PCDHA4: variants seen among roughly 807,000 people sequenced by gnomAD.
The protein encoded by PCDHA4 is protocadherin alpha 4.
Under a neutral mutation model 61.4 loss-of-function variants are expected in PCDHA4, and 49 were observed. That is an observed-to-expected ratio of 0.80 (90% confidence interval 0.63 to 1.01). The LOEUF is 1.01. Among genes scored for constraint, PCDHA4 ranks in the 50% least tolerant of loss-of-function variants. PCDHA4 has a pLI of 0.00. For synonymous variants in PCDHA4, 590 were observed against 550.3 expected (o/e 1.07, Z -1.01); for missense variants, 1,254 against 1,235.8 (o/e 1.01, Z -0.22).
At chr5:140,906,926 T>C (rs1217312413) in intron 1 of PCDHA4, among the ~76,000 whole-genome samples, 1 of 152,194 alleles carries the variant, frequency 6.6e-6, no homozygotes, top group Non-Finnish European at 1.5e-5. Flanking sequence ...CCAAAAAGTG[T>C]CCCGGTGTCA....
Position 140,828,616 on chromosome 5 carries a change from C to A in PCDHA4, c.2385+19044C>A, listed in dbSNP as rs2150157391. 16 of 1,614,024 alleles carry A rather than the reference C, an allele frequency of 9.9e-6. No homozygotes were observed. The African/African-American group carries it at 1.3e-4, about 13-fold the overall frequency. ...TCTTAACCTATAAACTCAGTTCTAG[C>A]GAATACTTCGGGCTAGATGTGAAAA... is the stretch of plus-strand genomic sequence containing the variant. On this transcript the variant is annotated intron_variant, in intron 1 of 3. Transcript: ENST00000530339.
At chr5:140,976,691 C>G (rs1219355793) in intron 1 of PCDHA4, among the ~76,000 whole-genome samples, 1 of 152,126 alleles carries the variant, frequency 6.6e-6, no homozygotes. Context: ...AATTTAAGTA[C>G]AATAATGTTG....
At chr5:140,968,317 A>T (rs144335538) in intron 1 of PCDHA4, 17,308 of 1,614,002 alleles carry the variant, frequency 0.011, 130 homozygotes, top group Non-Finnish European at 0.013. Flanking sequence ...AAGGGCTGCC[A>T]GTCACCTCCT....
At chr5:140,842,748 C>A in intron 1 of PCDHA4, 1 of 1,595,020 alleles carries the variant, frequency 6.3e-7, no homozygotes, top group Non-Finnish European at 8.6e-7. Flanking sequence ...CACATCTTCA[C>A]GGTGTCTGCG....
chr5:140,868,979 C>T, intron 1 of PCDHA4: 6 of 1,485,290 alleles, frequency 4.0e-6, no homozygotes, highest in Non-Finnish European at 5.4e-6. Flanking sequence ...TCCATCATAC[C>T]GGATGCCACC....
At chr5:140,871,103 C>A (rs202137231) in intron 1 of PCDHA4, 29 of 1,613,172 alleles carry the variant, frequency 1.8e-5, no homozygotes, top group South Asian at 1.2e-4. Context: ...GTGCTGGTGT[C>A]GTTGGTGGAG....
At chr5:140,966,764 G>T in intron 1 of PCDHA4, 1 of 1,475,264 alleles carries the variant, frequency 6.8e-7, no homozygotes, top group Non-Finnish European at 9.0e-7. Context: ...GCGGCCAGTG[G>T]CTATGGAGCA....
chr5:140,882,263 T>G (rs1554173290), intron 1 of PCDHA4: 3 of 1,604,900 alleles, frequency 1.9e-6, no homozygotes. Context: ...GTTTTTGGAG[T>G]GTACCATGCT....
At chr5:140,827,343 TGAAAA>T (rs1769258641) in intron 1 of PCDHA4, among the ~76,000 whole-genome samples, 1 of 152,128 alleles carries the variant, frequency 6.6e-6, no homozygotes, top group South Asian at 2.1e-4. Context: ...GTGAAGTATA[TGAAAA>T]GAAAATATTT....
At chr5:140,924,670 C>A (rs2081947196) in intron 1 of PCDHA4, among the ~76,000 whole-genome samples, 1 of 151,926 alleles carries the variant, frequency 6.6e-6, no homozygotes, top group African/African-American at 2.4e-5. Flanking sequence ...CGAGGCAGGC[C>A]AATCACTTGA....
At chr5:140,851,854 G>A (rs1187203228) in intron 1 of PCDHA4, 1 of 972,298 alleles carries the variant, frequency 1.0e-6, no homozygotes, top group East Asian at 1.1e-4. Flanking sequence ...TCTCCTCTCA[G>A]CTCATACATA....
intron 1 of PCDHA4, among the ~76,000 whole-genome samples, chr5:140,891,735 A>G (rs1200695234): frequency 2.6e-5 from 4 of 152,172 alleles, no homozygotes; most frequent in African/African-American, 9.7e-5. Context: ...TGAAAATTCA[A>G]TCCCTTATAC....
At chr5:140,893,182 AT>A (rs782024176) in intron 1 of PCDHA4, among the ~76,000 whole-genome samples, 5 of 152,238 alleles carry the variant, frequency 3.3e-5, no homozygotes, top group Non-Finnish European at 5.9e-5. Context: ...CATAGTAGCT[AT>A]TGTGAATAGT....
At chr5:140,871,376 G>C in intron 1 of PCDHA4, 1 of 1,614,196 alleles carries the variant, frequency 6.2e-7, no homozygotes, top group Non-Finnish European at 8.5e-7. Flanking sequence ...CAGAGGGTGT[G>C]CTCTGAGGAG....
chr5:140,998,942 T>C (rs1435302179), intron 3 of PCDHA4, among the ~76,000 whole-genome samples: 4 of 152,222 alleles, frequency 2.6e-5, no homozygotes, highest in Non-Finnish European at 5.9e-5. Flanking sequence ...ATGAAGAAAC[T>C]GTAAGTCAAT....
intron 1 of PCDHA4, chr5:140,842,490 T>G: frequency 6.2e-7 from 1 of 1,613,916 alleles, no homozygotes; most frequent in Non-Finnish European, 8.5e-7. Context: ...TGCTCCCTGA[T>G]GCCCCATGTC....
chr5:140,823,812 G>T (rs2150129324), intron 1 of PCDHA4: 1 of 1,613,764 alleles, frequency 6.2e-7, no homozygotes, highest in Non-Finnish European at 8.5e-7. Context: ...AGGCCTCATC[G>T]CGGGCGTCGG....
chr5:140,827,936 C>G, intron 1 of PCDHA4: 1 of 1,115,138 alleles, frequency 9.0e-7, no homozygotes, highest in Non-Finnish European at 1.3e-6. Context: ...GAAGTTATAG[C>G]TAGCCAACAT....
chr5:140,913,807 C>A (rs2076472600), intron 1 of PCDHA4, among the ~76,000 whole-genome samples: 1 of 152,068 alleles, frequency 6.6e-6, no homozygotes, highest in African/African-American at 2.4e-5. Flanking sequence ...ATCAAATTTT[C>A]AATTTCCTTT....
Sources: allele counts gnomAD v4.1 joint callset (sites outside exome capture counted in the v4.1 genomes callset), GRCh38; gene constraint gnomAD v4.1.1; transcripts MANE v1.5; gene names NCBI Gene and HGNC (gene_info 2026-07-23, HGNC 2026-07-21).